Variants in NOS1 observed in about 807,000 individuals in gnomAD.
NOS1 encodes the protein nitric oxide synthase 1, also known as NOS type I.
NOS1 carries 51 observed loss-of-function variants against 164.5 expected under a neutral mutation model. The observed-to-expected ratio is 0.31, with a 90% CI of 0.25 to 0.39. NOS1 has a LOEUF of 0.39. Ranked by LOEUF, NOS1 falls within the 10% of genes least tolerant of loss-of-function variation. The pLI is 1.00. For synonymous variants in NOS1, 719 were observed against 745.8 expected (o/e 0.96, Z 0.59); for missense variants, 1,362 against 1,885.6 (o/e 0.72, Z 5.14).
At position 117,331,016 on chromosome 12, in the gene NOS1, A is replaced by C; in HGVS notation, c.54T>G (p.Val18=). The change falls in exon 2 of 29, where the codon GTT becomes GTG. Residue 18 remains valine, a synonymous_variant. Transcript: ENST00000317775. ...CCCCAACTTTGCGCTTGAAGAGACG[A>C]ACAGAAATGACATTGGGCTGGATTT... ...VQQIQPNVIS[V]RLFKRKVGGL... 6.2e-7 allele frequency: 1 copy of C among 1,614,126 alleles called. No homozygotes were observed. Among genetic ancestry groups the C allele is most frequent in the Non-Finnish European group, 8.5e-7 (1 of 1,180,004 alleles).
At position 117,356,406 on chromosome 12, in the gene NOS1, A is replaced by G. The variant is rs1566089447; in HGVS notation, c.-421+5106T>C. Among the ~76,000 whole-genome samples, 1 of 152,144 alleles carries G rather than the reference A, an allele frequency of 6.6e-6. No homozygotes were observed. The highest frequency in any genetic ancestry group is 1.5e-5 in the Non-Finnish European group (1 of 68,024). On this transcript the variant is annotated intron_variant, in intron 1 of 28. Transcript: ENST00000317775. This position sits in a 1 kb window ranked among gnomAD's most constrained non-coding sequence, Gnocchi z 4.2. ...ATGGGCTTTGATGCTACCTCCTCTG[A>G]GAAGTCCTCCCTGATTCCTTCAACC...
chr12:117,301,835 G>A (rs1308581900), intron 3 of NOS1, among the ~76,000 whole-genome samples: 1 of 152,194 alleles, frequency 6.6e-6, no homozygotes, highest in African/African-American at 2.4e-5. Context: ...GGCCACAAGG[G>A]TTTCATCTGT....
At chr12:117,223,955 C>T (rs1460623364) in intron 25 of NOS1, among the ~76,000 whole-genome samples, 3 of 152,008 alleles carry the variant, frequency 2.0e-5, no homozygotes, top group Admixed American at 6.6e-5. Flanking sequence ...CACCCAGCCA[C>T]GATGTACTCA....
At chr12:117,238,554 T>C (rs561295461) in intron 20 of NOS1, among the ~76,000 whole-genome samples, 5 of 152,224 alleles carry the variant, frequency 3.3e-5, no homozygotes, top group African/African-American at 9.6e-5. Flanking sequence ...TCTCACTCTA[T>C]TGCCCAGGCT....
chr12:117,287,477 C>T (rs375193974), intron 5 of NOS1, among the ~76,000 whole-genome samples: 89 of 151,566 alleles, frequency 5.9e-4, no homozygotes, highest in African/African-American at 2.0e-3. Flanking sequence ...TCGCTCTGTT[C>T]GCCCAGGCTG....
chr12:117,258,571 G>C, intron 15 of NOS1, 116 bp from the exon 16 acceptor site: 1 of 1,043,984 alleles, frequency 9.6e-7, no homozygotes, highest in East Asian at 2.5e-5. Context: ...CCGGAGGCCA[G>C]GATGTCAGGA....
At chr12:117,349,015 G>T (rs1393705084) in intron 1 of NOS1, among the ~76,000 whole-genome samples, 1 of 152,048 alleles carries the variant, frequency 6.6e-6, no homozygotes, top group Admixed American at 6.5e-5. Flanking sequence ...ACTAGGTCAG[G>T]GTATAAAGAA....
rs200162640 is a variant in NOS1 at position 117,224,625 on chromosome 12, TTCTC to T, written c.3826+387_3826+390del. On this transcript the variant is annotated intron_variant, in intron 25 of 28. Coordinates refer to ENST00000317775, the MANE Select transcript of NOS1 (RefSeq NM_000620.5). The stretch of plus-strand genomic sequence containing the variant: ...AACGCATGCCACAATTTGGGTTTCT[TTCTC>T]TCTCTCTCCTCCCAAAGCTGATCTG... Among the ~76,000 whole-genome samples, 4 of 152,224 alleles carry T rather than the reference TTCTC, an allele frequency of 2.6e-5. No individual in the cohort carries two copies. The East Asian group carries it at 7.7e-4, about 29-fold the overall frequency.
chr12:117,319,183 T>C (rs186147778), intron 2 of NOS1, among the ~76,000 whole-genome samples: 47 of 152,298 alleles, frequency 3.1e-4, no homozygotes, highest in Admixed American at 1.0e-3. Context: ...TCCTGAGTAG[T>C]AGGGATTATA....
chr12:117,219,153 ATTTTTAGT>A (rs1287643310), intron 27 of NOS1, among the ~76,000 whole-genome samples: 1 of 151,422 alleles, frequency 6.6e-6, no homozygotes, highest in Non-Finnish European at 1.5e-5. Flanking sequence ...TAATTTTTGT[ATTTTTAGT>A]AGAGACGGGG....
At chr12:117,333,819 G>A (rs370131346) in intron 1 of NOS1, among the ~76,000 whole-genome samples, 1 of 152,136 alleles carries the variant, frequency 6.6e-6, no homozygotes, top group Non-Finnish European at 1.5e-5. Context: ...ATCCAGGACC[G>A]CTGTGCCCTT....
In NOS1 at chr12:117,225,987, T is replaced by A. The variant is rs1200192287; in HGVS notation, c.3704+696A>T. On this transcript the variant is annotated intron_variant, in intron 24 of 28. Transcript: ENST00000317775. ...TAAATCAAGGAGTCACAGACTTCAG[T>A]GTGTAAAAGAATCACCTGGGGATGT... Among the ~76,000 whole-genome samples the A allele has an allele frequency of 2.0e-5, 3 of 152,246 alleles. No individual in the cohort carries two copies. The East Asian group carries it at 5.8e-4, about 29-fold the overall frequency.
At chr12:117,264,902 C>A (rs1007979326) in intron 12 of NOS1, among the ~76,000 whole-genome samples, 10 of 151,968 alleles carry the variant, frequency 6.6e-5, no homozygotes, top group Admixed American at 6.6e-5. Flanking sequence ...TGGGGTTTCG[C>A]CATGTTGGCC....
chr12:117,276,293 T>A (rs1307392969), intron 9 of NOS1, among the ~76,000 whole-genome samples: 1 of 152,188 alleles, frequency 6.6e-6, no homozygotes. Flanking sequence ...TCTAACTATT[T>A]TTTTTTTGAG....
At chr12:117,252,080 CT>C in intron 17 of NOS1, among the ~76,000 whole-genome samples, 1 of 152,154 alleles carries the variant, frequency 6.6e-6, no homozygotes, top group East Asian at 1.9e-4. Flanking sequence ...TATTTTTAGG[CT>C]TACAGGCCAA....
rs899581213 is a variant in NOS1, at chr12:117,215,430, G to A, written c.4290-106C>T. 1.4e-5 allele frequency: 17 copies of A among 1,241,308 alleles called. No homozygotes were observed. In the African/African-American group the frequency reaches 2.3e-4, roughly 17 times the overall value. 76.9% of individuals were successfully genotyped at this position (1,241,308 alleles called of 1,614,324 possible). On this transcript the variant is annotated intron_variant, in intron 28 of 28. Coordinates refer to ENST00000317775, the MANE Select transcript of NOS1 (RefSeq NM_000620.5). ...CCCATGCTCTGGGCTCAGGGGCTTT[G>A]TCTCTTTCTTTTTTTTTTTTTTTTG...
rs9658403 is a variant in NOS1 at position 117,263,938 on chromosome 12, T to C, written c.2173A>G (p.Asn725Asp). 1.3e-3 allele frequency: 2,137 copies of C among 1,613,878 alleles called. 29 individuals are homozygous for C. In the African/African-American group the frequency reaches 0.025, roughly 19 times the overall value. The change falls in exon 13 of 29, where the codon AAC (asparagine) becomes GAC (aspartate). Residue 725 changes from asparagine to aspartate, a missense_variant. Asn to Asp is a conservative substitution (Grantham distance 23). Coordinates refer to ENST00000317775, the MANE Select transcript of NOS1 (RefSeq NM_000620.5). ...PWNTHVWKGT[N>D]GTPTKRRAIG... ...GCTCGCCGCTTTGTGGGGGTCCCGT[T>C]GGTGCCTTTCCAGACATGCGTGTTC...
At chr12:117,358,489 T>G (rs1026365268) in intron 1 of NOS1, among the ~76,000 whole-genome samples, 9 of 152,228 alleles carry the variant, frequency 5.9e-5, no homozygotes, top group African/African-American at 2.2e-4. Context: ...AATGGCTCCA[T>G]GGGACACTCT....
chr12:117,310,150 C>T (rs1023654549), intron 3 of NOS1, among the ~76,000 whole-genome samples: 8 of 152,326 alleles, frequency 5.3e-5, no homozygotes, highest in African/African-American at 1.9e-4. Flanking sequence ...TCAAGTGATC[C>T]TCCTGCCTCG....
Sources: gnomAD v4.1 joint callset for allele counts (sites outside exome capture counted in the v4.1 genomes callset) on GRCh38, gnomAD v4.1.1 for gene constraint, Gnocchi (gnomAD v3.1) non-coding constraint, MANE v1.5 for transcripts, NCBI Gene and HGNC (gene_info 2026-07-23, HGNC 2026-07-21) for gene names.